The following UAP1 variants were observed in gnomAD, a reference collection of about 807,000 sequenced individuals.
UAP1 encodes UDP-N-acetylglucosamine pyrophosphorylase 1, also known as UDP-N-acetylhexosamine pyrophosphorylase.
UAP1 carries 25 observed loss-of-function variants against 58.5 expected under a neutral mutation model. That is an observed-to-expected ratio of 0.43 (90% CI 0.31 to 0.60). The LOEUF is 0.60. Among genes scored for constraint, UAP1 ranks in the 20% least tolerant of loss-of-function variants. The probability of loss-of-function intolerance (pLI) is 0.11; values close to 1 mark genes in which losing one functional copy is unlikely to be tolerated. For synonymous variants in UAP1, 208 were observed against 213.0 expected (o/e 0.98, Z 0.21); for missense variants, 575 against 630.0 (o/e 0.91, Z 0.93).
At chr1:162,587,843 G>A (rs1467543680) in intron 6 of UAP1, 175 bp downstream of exon 6, 8 of 644,600 alleles carry the variant, frequency 1.2e-5, no homozygotes, top group Admixed American at 3.1e-5. Context: ...AAGATGTATT[G>A]TAAGGTGGGA....
intron 5 of UAP1, among the ~76,000 whole-genome samples, chr1:162,583,403 T>TG (rs1406984627): frequency 1.3e-5 from 2 of 151,982 alleles, no homozygotes; most frequent in African/African-American, 4.8e-5. Context: ...TCCACACACC[T>TG]CAGCCTCCCA....
chr1:162,598,009 C>G, intron 10 of UAP1, 151 bp downstream of exon 10: 1 of 652,260 alleles, frequency 1.5e-6, no homozygotes, highest in South Asian at 2.0e-5. Flanking sequence ...GATTATTCGA[C>G]AGTGTATATA....
intron 2 of UAP1, among the ~76,000 whole-genome samples, chr1:162,570,358 A>T (rs1399134999): frequency 1.3e-5 from 2 of 152,174 alleles, no homozygotes; most frequent in Non-Finnish European, 2.9e-5. Context: ...AATGTCAAGG[A>T]TATTTTGAAA....
chr1:162,584,137 C>G (rs990243355), intron 5 of UAP1, among the ~76,000 whole-genome samples: 6 of 152,322 alleles, frequency 3.9e-5, no homozygotes, highest in African/African-American at 1.4e-4. Flanking sequence ...ACTAATCATG[C>G]AAAGATGCAA....
intron 1 of UAP1, among the ~76,000 whole-genome samples, chr1:162,563,523 C>A (rs1012435500): frequency 6.6e-6 from 1 of 152,100 alleles, no homozygotes; most frequent in African/African-American, 2.4e-5. Context: ...TGCCACCATG[C>A]CCAGCTAATT....
rs980561367 is a variant in UAP1 at position 162,597,134 on chromosome 1, A to G, written c.1410-658A>G. 7.9e-5 allele frequency: 12 copies of G among 152,364 alleles called. 1 individual carries two copies. Among genetic ancestry groups the G allele is most frequent in the Admixed American group, 4.6e-4 (7 of 15,306 alleles). The allele number at this position is 152,364 out of a possible 1,614,324, so 9.4% of individuals were successfully genotyped here. ...GTACAGAAAAAACATGTACTGGGAAATAATTTAACTGTCTGATAGAACTTT... is the reference window on the plus strand; with the variant it reads ...GTACAGAAAAAACATGTACTGGGAAGTAATTTAACTGTCTGATAGAACTTT... On this transcript the variant is annotated intron_variant, in intron 9 of 10. Coordinates refer to ENST00000271469, the Ensembl canonical transcript of UAP1.
At chr1:162,576,826 T>C (rs774827705) in exon 3 of UAP1, 1 of 1,614,190 alleles carries the variant, frequency 6.2e-7, no homozygotes, top group South Asian at 1.1e-5. Context: ...TTCTAGCTGG[T>C]GGGCAGGGGA....
intron 2 of UAP1, among the ~76,000 whole-genome samples, chr1:162,572,406 T>A (rs1252034758): frequency 3.9e-5 from 6 of 152,238 alleles, no homozygotes; most frequent in Admixed American, 3.9e-4. Context: ...AGCACTGAAT[T>A]GATGTTGAAT....
At chr1:162,587,753 G>A in intron 6 of UAP1, 85 bp downstream of exon 6, 2 of 1,280,650 alleles carry the variant, frequency 1.6e-6, no homozygotes, top group Non-Finnish European at 2.2e-6. Context: ...GACACCCCAA[G>A]TCCATATCCC....
exon 6 of UAP1, chr1:162,587,506 T>A (rs994996888): frequency 1.2e-6 from 2 of 1,613,892 alleles, no homozygotes; most frequent in Non-Finnish European, 1.7e-6. Context: ...ACAGAACCAG[T>A]TGGAGTGGTT....
In UAP1 at chr1:162,589,300, T is replaced by TTA. The variant is rs572363066; in HGVS notation, c.1169+476_1169+477dup. Among the ~76,000 whole-genome samples, 410 of 134,618 alleles carry TTA rather than the reference T, an allele frequency of 3.0e-3. 1 individual carries two copies. The highest frequency in any genetic ancestry group is 0.013 in the South Asian group (61 of 4,642). 88.3% of individuals were successfully genotyped at this position (134,618 alleles called of 152,430 possible). ...TATATATAAATATATATTGTTTATA[T>TTA]TATATATATAAATAAATATATATTT... On this transcript the variant is annotated intron_variant, in intron 7 of 10. Coordinates refer to ENST00000271469, the Ensembl canonical transcript of UAP1.
At chr1:162,588,620 C>A in intron 6 of UAP1, 73 bp from the exon 7 acceptor site, 1 of 1,516,882 alleles carries the variant, frequency 6.6e-7, no homozygotes, top group South Asian at 1.2e-5. Flanking sequence ...CACATTTGCT[C>A]CTGAATGTTG....
intron 3 of UAP1, among the ~76,000 whole-genome samples, chr1:162,577,673 G>A (rs1003048065): frequency 2.6e-5 from 4 of 151,206 alleles, no homozygotes; most frequent in African/African-American, 7.3e-5. Context: ...GTGCAGTGGC[G>A]CGATTTCGGC....
rs369028695 is a variant in UAP1, at chr1:162,581,467, C to G, written c.834+8C>G. 18 of 1,611,390 alleles carry G rather than the reference C, an allele frequency of 1.1e-5. No homozygotes were observed. Among genetic ancestry groups the G allele is most frequent in the Non-Finnish European group, 1.5e-5 (18 of 1,178,482 alleles). On this transcript the variant is annotated splice_region_variant and intron_variant, in intron 5 of 10. Transcript: ENST00000271469. ...GCAGACTGTGGAGCAAAGGTAATGC[C>G]TTTCTCAACTATGGTGAGGCTTTTG...
intron 2 of UAP1, among the ~76,000 whole-genome samples, chr1:162,575,979 T>C (rs1654157344): frequency 6.6e-6 from 1 of 152,126 alleles, no homozygotes; most frequent in Admixed American, 6.6e-5. Context: ...GCCAATTTTA[T>C]GTTTTAACAA....
intron 2 of UAP1, among the ~76,000 whole-genome samples, chr1:162,569,008 CT>C (rs1653699257): frequency 6.6e-6 from 1 of 152,210 alleles, no homozygotes; most frequent in Non-Finnish European, 1.5e-5. Context: ...TGCAAACTTC[CT>C]TTTGGCTTAG....
chr1:162,575,622 G>A (rs112070143), intron 2 of UAP1, among the ~76,000 whole-genome samples: 1 of 151,890 alleles, frequency 6.6e-6, no homozygotes, highest in Non-Finnish European at 1.5e-5. Flanking sequence ...AGTAGAGATG[G>A]AGTTTCGCCA....
At chr1:162,577,094 C>A in intron 3 of UAP1, 113 bp downstream of exon 3, 1 of 1,039,446 alleles carries the variant, frequency 9.6e-7, no homozygotes, top group Non-Finnish European at 1.4e-6. Context: ...TGTTGATTTT[C>A]TTGGGAGGTA....
chr1:162,580,286 A>G (rs558945368), intron 4 of UAP1, among the ~76,000 whole-genome samples: 4 of 152,376 alleles, frequency 2.6e-5, no homozygotes, highest in East Asian at 3.9e-4. Context: ...TAAAAATAGC[A>G]TTAATTCTTA....
Sources: allele counts gnomAD v4.1 joint callset (sites outside exome capture counted in the v4.1 genomes callset), GRCh38; gene constraint gnomAD v4.1.1; transcripts MANE v1.5; gene names NCBI Gene and HGNC (gene_info 2026-07-23, HGNC 2026-07-21).